The following HIVEP3 variants were observed in gnomAD, a reference collection of about 807,000 sequenced individuals.
HIVEP3 encodes the protein transcription factor HIVEP3.
Under a neutral mutation model 152.8 loss-of-function variants are expected in HIVEP3, and 49 were observed. The ratio of observed to expected loss-of-function variants is 0.32; its 90% CI spans 0.26 to 0.41. The LOEUF is 0.41. Among genes scored for constraint, HIVEP3 ranks in the 10% least tolerant of loss-of-function variants. The probability of loss-of-function intolerance (pLI) is 1.00; values close to 1 mark genes in which losing one functional copy is unlikely to be tolerated. For synonymous variants in HIVEP3, 1,269 were observed against 1,289.0 expected (o/e 0.98, Z 0.33); for missense variants, 2,790 against 3,103.3 (o/e 0.90, Z 2.40).
chr1:41,749,456 C>CA (rs1647125014), intron 1 of HIVEP3, among the ~76,000 whole-genome samples: 1 of 85,424 alleles, frequency 1.2e-5, no homozygotes, highest in Admixed American at 1.1e-4. Flanking sequence ...GAGAAGGAGA[C>CA]AGAGAGAATG....
chr1:41,526,595 C>T (rs1380247314), intron 5 of HIVEP3, among the ~76,000 whole-genome samples: 4 of 90,998 alleles, frequency 4.4e-5, no homozygotes, highest in African/African-American at 1.2e-4. Flanking sequence ...ACACTCACAC[C>T]CTTACACCTG....
chr1:41,581,594 C>A lies in HIVEP3; in HGVS notation c.3204G>T (p.Glu1068Asp), dbSNP rs1002606913. The A allele has an allele frequency of 3.1e-6, 5 of 1,613,838 alleles. No individual in the cohort carries two copies. The highest frequency in any genetic ancestry group is 4.2e-6 in the Non-Finnish European group (5 of 1,179,884). ...ELEVAPKGRQ[E>D]SEEPQPSSSK... ...TGGATGAGGGCTGTGGTTCTTCGCT[C>A]TCCTGTCTTCCCTTGGGGGCAACCT... The change falls in exon 4 of 9, where the codon GAG becomes GAT. Residue 1068 changes from glutamate (E) to aspartate (D), a missense_variant. Glu to Asp is a conservative substitution (Grantham distance 45, BLOSUM62 2). Transcript: ENST00000372583. This position sits in a 1 kb window ranked among gnomAD's most constrained non-coding sequence, Gnocchi z 4.5.
chr1:41,626,258 C>T (rs1366375516), intron 3 of HIVEP3, among the ~76,000 whole-genome samples: 2 of 152,252 alleles, frequency 1.3e-5, no homozygotes, highest in African/African-American at 4.8e-5. Context: ...CCAGCTCCTC[C>T]CTGGTGGCTG....
intron 1 of HIVEP3, among the ~76,000 whole-genome samples, chr1:41,903,317 G>T (rs1007817262): frequency 1.3e-5 from 2 of 152,152 alleles, no homozygotes; most frequent in African/African-American, 4.8e-5. Context: ...AACTGCCTAG[G>T]ATCACTCCCA....
At chr1:41,994,004 GT>G (rs1231676393) in intron 1 of HIVEP3, among the ~76,000 whole-genome samples, 1 of 113,320 alleles carries the variant, frequency 8.8e-6, no homozygotes, top group African/African-American at 3.4e-5. Context: ...CTGTTGTGGG[GT>G]GGGGGGAGGG....
At chr1:41,764,688 AC>A in intron 1 of HIVEP3, among the ~76,000 whole-genome samples, 1 of 152,198 alleles carries the variant, frequency 6.6e-6, no homozygotes. Context: ...CATCCCTCCT[AC>A]GGGGAAGGCA....
intron 1 of HIVEP3, among the ~76,000 whole-genome samples, chr1:42,018,491 T>A (rs1248306671): frequency 2.0e-5 from 3 of 152,046 alleles, no homozygotes; most frequent in Non-Finnish European, 4.4e-5. Context: ...CTTTCTCTAC[T>A]GTATTTTAGT....
intron 2 of HIVEP3, among the ~76,000 whole-genome samples, chr1:41,659,081 C>G (rs922586007): frequency 6.6e-6 from 1 of 152,186 alleles, no homozygotes; most frequent in African/African-American, 2.4e-5. Context: ...CAGCAGTTAC[C>G]CCCTCCAAAG....
chr1:41,929,406 G>A (rs1291649898), intron 1 of HIVEP3, among the ~76,000 whole-genome samples: 5 of 151,916 alleles, frequency 3.3e-5, no homozygotes, highest in Non-Finnish European at 2.9e-5. Flanking sequence ...TCCCATTGTT[G>A]TTGTTGTTGT....
intron 1 of HIVEP3, among the ~76,000 whole-genome samples, chr1:41,934,478 AT>A (rs1253625061): frequency 1.3e-5 from 2 of 151,740 alleles, no homozygotes; most frequent in African/African-American, 2.4e-5. Context: ...ATTCGTAAAG[AT>A]TTTTTTTCAC....
chr1:41,910,003 TA>T (rs959527387), intron 1 of HIVEP3, among the ~76,000 whole-genome samples: 1 of 151,762 alleles, frequency 6.6e-6, no homozygotes, highest in Non-Finnish European at 1.5e-5. Flanking sequence ...GCCTGAAAAT[TA>T]AAAAGCCAAA....
intron 1 of HIVEP3, among the ~76,000 whole-genome samples, chr1:41,803,618 C>T (rs1055374270): frequency 1.3e-5 from 2 of 152,198 alleles, no homozygotes; most frequent in African/African-American, 4.8e-5. Flanking sequence ...CCACATGGTC[C>T]AAGAGCCACA....
intron 1 of HIVEP3, among the ~76,000 whole-genome samples, chr1:41,943,922 G>T (rs1457243739): frequency 1.3e-5 from 2 of 152,154 alleles, no homozygotes; most frequent in Non-Finnish European, 2.9e-5. Flanking sequence ...CCATACAATG[G>T]AATATTATTC....
At chr1:41,564,976 C>T (rs1644138305) in intron 5 of HIVEP3, among the ~76,000 whole-genome samples, 1 of 152,180 alleles carries the variant, frequency 6.6e-6, no homozygotes, top group African/African-American at 2.4e-5. Flanking sequence ...CAGCGGAGCC[C>T]CTGCCTCAGC....
At chr1:42,025,805 C>T (rs1275165201) in intron 1 of HIVEP3, among the ~76,000 whole-genome samples, 1 of 152,176 alleles carries the variant, frequency 6.6e-6, no homozygotes, top group Non-Finnish European at 1.5e-5. Flanking sequence ...CATGGTAGCT[C>T]ACACCTGTAA....
intron 3 of HIVEP3, among the ~76,000 whole-genome samples, chr1:41,600,263 A>G (rs1023976331): frequency 6.6e-6 from 1 of 152,234 alleles, no homozygotes; most frequent in African/African-American, 2.4e-5. Flanking sequence ...AGATATGTGT[A>G]CATCTATGTT....
intron 2 of HIVEP3, among the ~76,000 whole-genome samples, chr1:41,688,963 C>T (rs1207257194): frequency 6.6e-6 from 1 of 152,194 alleles, no homozygotes; most frequent in Non-Finnish European, 1.5e-5. Flanking sequence ...CCATTTCCTT[C>T]CCCTGGGAAT....
intron 1 of HIVEP3, among the ~76,000 whole-genome samples, chr1:41,930,697 C>T (rs993036069): frequency 7.9e-5 from 12 of 152,212 alleles, no homozygotes; most frequent in East Asian, 5.8e-4. Flanking sequence ...CAAACTACTT[C>T]GCAAAGTGGT....
intron 7 of HIVEP3, among the ~76,000 whole-genome samples, chr1:41,517,159 G>T (rs1251662488): frequency 1.3e-5 from 2 of 152,218 alleles, no homozygotes; most frequent in African/African-American, 4.8e-5. Flanking sequence ...GCAGGGCAGG[G>T]ACCTCAGGGG....
Sources: gnomAD v4.1 joint callset for allele counts (sites outside exome capture counted in the v4.1 genomes callset) on GRCh38, gnomAD v4.1.1 for gene constraint, Gnocchi (gnomAD v3.1) non-coding constraint, MANE v1.5 for transcripts, NCBI Gene and HGNC (gene_info 2026-07-23, HGNC 2026-07-21) for gene names.